SLC51B: variants seen among roughly 807,000 people sequenced by gnomAD.
SLC51B encodes SLC51 subunit beta, also known as organic solute transporter subunit beta.
Under a neutral mutation model 8.0 loss-of-function variants are expected in SLC51B, and 6 were observed. The observed-to-expected ratio is 0.75, with a 90% CI of 0.41 to 1.48. The LOEUF (loss-of-function observed/expected upper bound fraction) is 1.48. SLC51B is among the 40% of genes most tolerant of loss of function. The probability of loss-of-function intolerance (pLI) is 0.01; values close to 1 mark genes in which losing one functional copy is unlikely to be tolerated. For synonymous variants in SLC51B, 61 were observed against 54.8 expected (o/e 1.11, Z -0.50); for missense variants, 150 against 149.7 (o/e 1.00, Z -0.01).
chr15:65,049,502 G>C (rs577588177), intron 1 of SLC51B: 1 of 152,292 alleles, frequency 6.6e-6, no homozygotes, highest in South Asian at 2.1e-4. Context: ...TTTGACATGT[G>C]GGGAAACACA....
intron 1 of SLC51B, among the ~76,000 whole-genome samples, chr15:65,047,795 T>TGATAGATAGATA (rs72192523): frequency 1.9e-3 from 280 of 149,946 alleles, no homozygotes; most frequent in African/African-American, 3.3e-3. Context: ...GATCGATAGA[T>TGATAGATAGATA]GATAGATAGA....
chr15:65,045,638 A>G (rs1362600439), intron 1 of SLC51B, 56 bp downstream of exon 1: 1 of 152,280 alleles, frequency 6.6e-6, no homozygotes, highest in Admixed American at 6.5e-5. Flanking sequence ...GGCAGAAGTC[A>G]CAGTCCAATG....
At chr15:65,050,833 C>CTTTTTTTTTTTTTTTTTTTTTT (rs67418433) in intron 2 of SLC51B, among the ~76,000 whole-genome samples, 44 of 88,598 alleles carry the variant, frequency 5.0e-4, no homozygotes, top group Non-Finnish European at 6.9e-4. Flanking sequence ...TCTTCTTCTT[C>CTTTTTTTTTTTTTTTTTTTTTT]TTCTTTTTTT....
At chr15:65,050,199 A>T in intron 2 of SLC51B, 98 bp downstream of exon 2, 1 of 939,866 alleles carries the variant, frequency 1.1e-6, no homozygotes. Flanking sequence ...CCTCCAGGTC[A>T]GGCGGTACAT....
intron 1 of SLC51B, among the ~76,000 whole-genome samples, chr15:65,046,627 T>C (rs2140502482): frequency 6.6e-6 from 1 of 152,090 alleles, no homozygotes; most frequent in African/African-American, 2.4e-5. Flanking sequence ...TTTAAACATA[T>C]TTTGGCCAGG....
intron 1 of SLC51B, chr15:65,049,501 T>A (rs1249347328): frequency 6.6e-6 from 1 of 152,032 alleles, no homozygotes; most frequent in African/African-American, 2.4e-5. Flanking sequence ...CTTTGACATG[T>A]GGGGAAACAC....
chr15:65,050,341 A>T (rs931706254), intron 2 of SLC51B, among the ~76,000 whole-genome samples: 5 of 152,022 alleles, frequency 3.3e-5, no homozygotes, highest in African/African-American at 1.2e-4. Flanking sequence ...TTAAGCTCCT[A>T]CTCTGTACCA....
chr15:65,047,598 G>A (rs1308528439), intron 1 of SLC51B, among the ~76,000 whole-genome samples: 1 of 152,168 alleles, frequency 6.6e-6, no homozygotes, highest in Non-Finnish European at 1.5e-5. Flanking sequence ...GCCTGTGGCT[G>A]ATGTTACTAA....
intron 2 of SLC51B, 135 bp from the exon 3 acceptor site, chr15:65,051,380 C>T (rs1434015968): frequency 7.9e-6 from 6 of 761,188 alleles, no homozygotes; most frequent in African/African-American, 6.9e-5. Context: ...GGCAAGGGGC[C>T]CATCTTTGAT....
intron 1 of SLC51B, among the ~76,000 whole-genome samples, chr15:65,048,143 T>A (rs913884134): frequency 6.6e-6 from 1 of 150,748 alleles, no homozygotes; most frequent in Non-Finnish European, 1.5e-5. Context: ...ATCACGTCAC[T>A]GCACTCCAGC....
intron 2 of SLC51B, among the ~76,000 whole-genome samples, chr15:65,051,114 G>A (rs1275185381): frequency 2.0e-5 from 3 of 152,096 alleles, no homozygotes; most frequent in South Asian, 2.1e-4. Context: ...AAAGTGCTGG[G>A]ATTATAGGCG....
rs879103777 is a variant in SLC51B, at chr15:65,051,599, C to T, written c.182C>T (p.Ala61Val). Reference protein sequence around the residue: ...SMVLLGRSIQASRKEKMQPPE... With the variant: ...SMVLLGRSIQVSRKEKMQPPE... ...GTCCTCCTGGGAAGAAGCATCCAGG[C>T]AAGCAGGTGAGGAGCTGGTCCTGGG... Residue 61 changes from alanine to valine, a missense_variant, in exon 3 of 4, where the codon GCA becomes GTA. Transcript: ENST00000334287. The T allele has an allele frequency of 1.2e-6, 2 of 1,613,192 alleles. No individual in the cohort carries two copies. Among genetic ancestry groups the T allele is most frequent in the Non-Finnish European group, 1.7e-6 (2 of 1,179,496 alleles).
rs2140511330 is a variant in SLC51B, at chr15:65,053,337, TTC to T, written c.*175_*176del. 1.4e-6 allele frequency: 2 copies of T among 1,419,876 alleles called. No homozygotes were observed. The highest frequency in any genetic ancestry group is 1.8e-6 in the Non-Finnish European group (2 of 1,094,886). 88.0% of individuals were successfully genotyped at this position (1,419,876 alleles called of 1,614,324 possible). On this transcript the variant is annotated 3_prime_UTR_variant, in exon 4 of 4. Coordinates refer to ENST00000334287, the MANE Select transcript of SLC51B (RefSeq NM_178859.4). ...TGAATGAACTGCAAGCAAACTAAAA[TTC>T]TGTTATTAAAAAAAATCTTTTATTA...
intron 2 of SLC51B, among the ~76,000 whole-genome samples, chr15:65,050,832 TC>T (rs559777639): frequency 1.2e-3 from 73 of 61,884 alleles, no homozygotes; most frequent in South Asian, 1.8e-3. Flanking sequence ...TTCTTCTTCT[TC>T]TTCTTTTTTT....
chr15:65,051,767 A>ATAAC (rs1555405606), intron 3 of SLC51B, among the ~76,000 whole-genome samples, 162 bp downstream of exon 3: 14 of 150,374 alleles, frequency 9.3e-5, no homozygotes, highest in Non-Finnish European at 1.9e-4. Context: ...CAAGCTGTTA[A>ATAAC]AAACAAACAA....
intron 1 of SLC51B, among the ~76,000 whole-genome samples, chr15:65,048,185 GA>G (rs1566949973): frequency 2.2e-4 from 21 of 95,392 alleles, no homozygotes; most frequent in East Asian, 5.4e-4. Flanking sequence ...CGTCTCAAAA[GA>G]AAAAAAAAGA....
chr15:65,049,696 C>T (rs528378414), intron 1 of SLC51B: 104 of 223,866 alleles, frequency 4.6e-4, no homozygotes, highest in African/African-American at 2.3e-3. Flanking sequence ...GAACAGTGCT[C>T]CTCCACACAT....
intron 1 of SLC51B, among the ~76,000 whole-genome samples, chr15:65,046,255 G>T (rs1046081159): frequency 6.6e-6 from 1 of 151,828 alleles, no homozygotes; most frequent in Admixed American, 6.6e-5. Context: ...GAGCTGAGAT[G>T]GTGCCACTAC....
At chr15:65,050,836 C>CTTT (rs57404080) in intron 2 of SLC51B, among the ~76,000 whole-genome samples, 31 of 95,628 alleles carry the variant, frequency 3.2e-4, no homozygotes, top group South Asian at 4.3e-4. Flanking sequence ...TCTTCTTCTT[C>CTTT]TTTTTTTTTT....
Sources: allele counts gnomAD v4.1 joint callset (sites outside exome capture counted in the v4.1 genomes callset), GRCh38; gene constraint gnomAD v4.1.1; transcripts MANE v1.5; gene names NCBI Gene and HGNC (gene_info 2026-07-23, HGNC 2026-07-21).